Variants in CDH9 observed in about 807,000 individuals in gnomAD.
The protein encoded by CDH9 is cadherin 9.
Under a neutral mutation model 70.9 loss-of-function variants are expected in CDH9, and 28 were observed. That is an observed-to-expected ratio of 0.40 (90% CI 0.29 to 0.54). CDH9 has a LOEUF of 0.54. Among genes scored for constraint, CDH9 ranks in the 20% least tolerant of loss-of-function variants. The pLI is 0.59. For synonymous variants in CDH9, 409 were observed against 343.1 expected (o/e 1.19, Z -2.12); for missense variants, 874 against 984.4 (o/e 0.89, Z 1.50).
chr5:26,961,254 G>A (rs1742029949), intron 2 of CDH9, among the ~76,000 whole-genome samples: 1 of 151,928 alleles, frequency 6.6e-6, no homozygotes. Context: ...ACCATTTTTT[G>A]TGAAGAAAAC....
intron 3 of CDH9, among the ~76,000 whole-genome samples, chr5:26,912,370 G>C (rs560936266): frequency 1.3e-5 from 2 of 151,832 alleles, no homozygotes; most frequent in African/African-American, 4.8e-5. Context: ...TATAATGTTA[G>C]TCTTTTATTT....
chr5:26,953,727 C>T (rs1741892830), intron 2 of CDH9, among the ~76,000 whole-genome samples: 1 of 152,104 alleles, frequency 6.6e-6, no homozygotes, highest in South Asian at 2.1e-4. Context: ...AGTTCTGTAT[C>T]TTAATCTCTT....
rs185333599 is a variant in CDH9 at position 26,940,840 on chromosome 5, A to T, written c.229-24916T>A. Among the ~76,000 whole-genome samples the T allele has an allele frequency of 2.8e-3, 426 of 152,340 alleles. 2 individuals are homozygous for T. Among genetic ancestry groups the T allele is most frequent in the African/African-American group, 9.9e-3 (411 of 41,594 alleles). Reference sequence around the variant, plus strand: ...TACTGTAGGAAACTAATTTGTATTTAAAAAACCAAGGGCACCTTGCTTGTT... The same window carrying T: ...TACTGTAGGAAACTAATTTGTATTTTAAAAACCAAGGGCACCTTGCTTGTT... On this transcript the variant is annotated intron_variant, in intron 2 of 11. Coordinates refer to ENST00000231021, the MANE Select transcript of CDH9 (RefSeq NM_016279.4).
At chr5:26,918,745 C>T (rs1741192128) in intron 2 of CDH9, among the ~76,000 whole-genome samples, 1 of 152,140 alleles carries the variant, frequency 6.6e-6, no homozygotes, top group African/African-American at 2.4e-5. Context: ...TCTTCTCCTG[C>T]CTTTGGACTC....
chr5:27,010,760 A>G (rs1742942053), intron 1 of CDH9, among the ~76,000 whole-genome samples: 1 of 152,156 alleles, frequency 6.6e-6, no homozygotes, highest in South Asian at 2.1e-4. Flanking sequence ...CATACTTTTA[A>G]GACAGCATTT....
intron 1 of CDH9, among the ~76,000 whole-genome samples, chr5:27,005,696 CCACAAAGA>C (rs2112110218): frequency 6.6e-6 from 1 of 152,168 alleles, no homozygotes; most frequent in South Asian, 2.1e-4. Flanking sequence ...AATCATTCTA[CCACAAAGA>C]CACATGTATG....
intron 9 of CDH9, among the ~76,000 whole-genome samples, chr5:26,889,600 T>C (rs917056392): frequency 1.3e-5 from 2 of 152,272 alleles, no homozygotes; most frequent in Admixed American, 1.3e-4. Context: ...AAACCTAGTA[T>C]ATAAATTAAA....
chr5:26,926,265 T>G (rs1475660652), intron 2 of CDH9, among the ~76,000 whole-genome samples: 1 of 148,652 alleles, frequency 6.7e-6, no homozygotes, highest in Non-Finnish European at 1.5e-5. Flanking sequence ...AAAATCAACG[T>G]GCAAAAATCA....
At chr5:26,881,691 T>G in intron 11 of CDH9, 68 bp from the exon 12 acceptor site, 2 of 1,425,706 alleles carry the variant, frequency 1.4e-6, no homozygotes, top group Non-Finnish European at 1.9e-6. Flanking sequence ...CACTTCTGAG[T>G]GTGAAATTCG....
chr5:26,927,133 A>G (rs1349827261), intron 2 of CDH9, among the ~76,000 whole-genome samples: 2 of 152,014 alleles, frequency 1.3e-5, no homozygotes, highest in African/African-American at 2.4e-5. Context: ...ATAGTGTATC[A>G]ACAGAATAAA....
At chr5:26,911,006 C>T (rs1449554740) in intron 3 of CDH9, among the ~76,000 whole-genome samples, 3 of 152,138 alleles carry the variant, frequency 2.0e-5, no homozygotes, top group Admixed American at 1.3e-4. Flanking sequence ...TTAAATCATG[C>T]TTTGTTAGAT....
At chr5:27,015,696 T>G (rs1475629307) in intron 1 of CDH9, among the ~76,000 whole-genome samples, 1 of 151,730 alleles carries the variant, frequency 6.6e-6, no homozygotes, top group Non-Finnish European at 1.5e-5. Flanking sequence ...TGAAGCATGT[T>G]TCTGCTGCAT....
intron 2 of CDH9, among the ~76,000 whole-genome samples, chr5:26,976,923 A>G (rs1038116187): frequency 1.3e-5 from 2 of 151,946 alleles, no homozygotes; most frequent in Non-Finnish European, 2.9e-5. Context: ...TATATTTACT[A>G]AAATTACTAT....
intron 2 of CDH9, among the ~76,000 whole-genome samples, chr5:26,922,298 A>C (rs939663508): frequency 1.3e-5 from 2 of 152,106 alleles, no homozygotes; most frequent in African/African-American, 4.8e-5. Flanking sequence ...TCAAACTTCC[A>C]AGGTCAAGGA....
At chr5:26,895,302 A>T (rs1251329170) in intron 7 of CDH9, among the ~76,000 whole-genome samples, 1 of 152,090 alleles carries the variant, frequency 6.6e-6, no homozygotes, top group Non-Finnish European at 1.5e-5. Flanking sequence ...TTGAAAAAAT[A>T]GTTCAAATCT....
intron 2 of CDH9, among the ~76,000 whole-genome samples, chr5:26,933,885 T>C (rs116420135): frequency 0.022 from 3,388 of 152,196 alleles, 64 homozygotes; most frequent in African/African-American, 0.052. Flanking sequence ...GAACACAGGA[T>C]AGTAAACAAA....
At chr5:26,946,684 G>A (rs991743491) in intron 2 of CDH9, among the ~76,000 whole-genome samples, 10 of 152,110 alleles carry the variant, frequency 6.6e-5, no homozygotes, top group South Asian at 2.1e-4. Flanking sequence ...TATTCTCATC[G>A]CTGGTACAAG....
intron 7 of CDH9, among the ~76,000 whole-genome samples, chr5:26,899,427 C>T (rs924010278): frequency 3.9e-5 from 6 of 151,972 alleles, no homozygotes; most frequent in African/African-American, 1.4e-4. Context: ...CCCAAATGTC[C>T]ATCAATGATA....
chr5:27,012,966 T>G (rs1402812894), intron 1 of CDH9, among the ~76,000 whole-genome samples: 1 of 151,988 alleles, frequency 6.6e-6, no homozygotes, highest in Non-Finnish European at 1.5e-5. Flanking sequence ...AAGGAGATGA[T>G]AATAATAGTC....
Sources: gnomAD v4.1 joint callset for allele counts (sites outside exome capture counted in the v4.1 genomes callset) on GRCh38, gnomAD v4.1.1 for gene constraint, MANE v1.5 for transcripts, NCBI Gene and HGNC (gene_info 2026-07-23, HGNC 2026-07-21) for gene names.